The following MYO5B variants were observed in gnomAD, a reference collection of about 807,000 sequenced individuals.
MYO5B encodes unconventional myosin-Vb.
MYO5B carries 143 observed loss-of-function variants against 229.3 expected under a neutral mutation model. The observed-to-expected ratio is 0.62, with a 90% confidence interval of 0.54 to 0.72. The LOEUF is 0.72. Among genes scored for constraint, MYO5B ranks in the 30% least tolerant of loss-of-function variants. The probability of loss-of-function intolerance (pLI) is 0.00; values close to 1 mark genes in which losing one functional copy is unlikely to be tolerated. For missense variants in MYO5B, 2,321 were observed against 2,331.0 expected, an observed-to-expected ratio of 1.00 and a Z score of 0.09; for synonymous variants, 918 against 885.2, an observed-to-expected ratio of 1.04 and a Z score of -0.66.
chr18:49,842,101 A>G (rs1216270933), intron 34 of MYO5B, among the ~76,000 whole-genome samples: 1 of 152,158 alleles, frequency 6.6e-6, no homozygotes, highest in Non-Finnish European at 1.5e-5. Context: ...AAAAGAAAAA[A>G]AAAAAAAAAG....
chr18:50,016,677 C>T (rs2026218976), intron 4 of MYO5B, among the ~76,000 whole-genome samples: 1 of 152,112 alleles, frequency 6.6e-6, no homozygotes. Context: ...ATTCATATAT[C>T]ATACAATTCA....
chr18:50,112,200 A>G (rs1481850492), intron 1 of MYO5B, among the ~76,000 whole-genome samples: 2 of 152,214 alleles, frequency 1.3e-5, no homozygotes, highest in Admixed American at 1.3e-4. Context: ...AATATTGAGT[A>G]GGGAAAAAGT....
chr18:50,102,957 C>T (rs1380333024), intron 1 of MYO5B, among the ~76,000 whole-genome samples: 1 of 152,038 alleles, frequency 6.6e-6, no homozygotes, highest in East Asian at 1.9e-4. Flanking sequence ...GTCCTTCCCC[C>T]AAAGGAGAAG....
intron 1 of MYO5B, among the ~76,000 whole-genome samples, chr18:50,164,451 C>T (rs917605215): frequency 6.6e-6 from 1 of 152,192 alleles, no homozygotes; most frequent in Admixed American, 6.5e-5. Context: ...ACATCTGTGA[C>T]CATCCCCCCA....
intron 1 of MYO5B, among the ~76,000 whole-genome samples, chr18:50,183,448 TAAAC>T (rs1277315533): frequency 6.6e-6 from 1 of 150,938 alleles, no homozygotes; most frequent in Non-Finnish European, 1.5e-5. Context: ...GGCCTTTGAC[TAAAC>T]AAGAAGATGA....
At chr18:50,188,825 A>ACC (rs2033189633) in intron 1 of MYO5B, among the ~76,000 whole-genome samples, 3 of 83,620 alleles carry the variant, frequency 3.6e-5, no homozygotes, top group East Asian at 4.4e-4. Context: ...AAACACACAC[A>ACC]CCTATCAACA....
intron 2 of MYO5B, 43 bp downstream of exon 2, chr18:50,055,225 G>GCCCCCCCCCCCCCCCCCCCCCCCC: frequency 7.1e-6 from 5 of 700,366 alleles, no homozygotes; most frequent in Non-Finnish European, 1.1e-5. Flanking sequence ...TGAGCTCCCT[G>GCCCCCCCCCCCCCCCCCCCCCCCC]CCCCACCTCA....
intron 21 of MYO5B, among the ~76,000 whole-genome samples, chr18:49,897,863 T>C (rs2024797389): frequency 6.6e-6 from 1 of 152,196 alleles, no homozygotes; most frequent in Admixed American, 6.5e-5. Flanking sequence ...GAGTGGAAAG[T>C]AATGTCCTGG....
In MYO5B at chr18:49,856,524, G is replaced by A. The variant is rs548733758; in HGVS notation, c.4022+289C>T. On this transcript the variant is annotated intron_variant, in intron 30 of 39. Transcript: ENST00000285039. ...TGTTCTAAAGAGCTGTGTGCCTGCC[G>A]CTATGTGACCTCCTGCTCTTGTCTC... 9.2e-5 allele frequency among the ~76,000 whole-genome samples: 14 copies of A among 152,328 alleles called. No homozygotes were observed. In the East Asian group the frequency reaches 1.4e-3, roughly 15 times the overall value.
chr18:49,869,649 AGAG>A (rs1190597002), intron 27 of MYO5B, among the ~76,000 whole-genome samples: 2 of 152,160 alleles, frequency 1.3e-5, no homozygotes, highest in Non-Finnish European at 2.9e-5. Context: ...CAGCTAAATG[AGAG>A]GAGGAGTTTT....
At chr18:49,841,116 G>A (rs544960730) in intron 35 of MYO5B, among the ~76,000 whole-genome samples, 2 of 152,228 alleles carry the variant, frequency 1.3e-5, no homozygotes, top group Non-Finnish European at 2.9e-5. Flanking sequence ...GGGTTATGCA[G>A]ACTCTACTTA....
chr18:49,890,577 C>G (rs1255458465), intron 22 of MYO5B, among the ~76,000 whole-genome samples: 1 of 152,140 alleles, frequency 6.6e-6, no homozygotes, highest in Non-Finnish European at 1.5e-5. Context: ...TTTGGGGATA[C>G]AAATGTAGCT....
intron 1 of MYO5B, among the ~76,000 whole-genome samples, chr18:50,173,743 G>A (rs553667605): frequency 1.3e-5 from 2 of 152,108 alleles, no homozygotes; most frequent in Admixed American, 1.3e-4. Context: ...GGTGAGAGCT[G>A]GGGGGAGAAA....
At chr18:50,176,712 C>T (rs532591613) in intron 1 of MYO5B, among the ~76,000 whole-genome samples, 3 of 152,230 alleles carry the variant, frequency 2.0e-5, no homozygotes, top group East Asian at 3.9e-4. Context: ...AAATTGTTGT[C>T]GTGATAATTA....
intron 17 of MYO5B, among the ~76,000 whole-genome samples, chr18:49,917,375 G>C (rs1249071595): frequency 6.6e-6 from 1 of 151,962 alleles, no homozygotes; most frequent in South Asian, 2.1e-4. Flanking sequence ...CGTTGGGTGT[G>C]GGACAGTCCT....
intron 2 of MYO5B, among the ~76,000 whole-genome samples, chr18:50,049,517 T>C (rs1270772842): frequency 6.6e-6 from 1 of 152,240 alleles, no homozygotes; most frequent in Non-Finnish European, 1.5e-5. Flanking sequence ...CCTAACTTGG[T>C]GTACTCCAGC....
intron 1 of MYO5B, among the ~76,000 whole-genome samples, chr18:50,190,506 C>A (rs916665591): frequency 6.6e-6 from 1 of 152,210 alleles, no homozygotes; most frequent in Non-Finnish European, 1.5e-5. Context: ...GACTGGTGCT[C>A]TTTCTCCATC....
intron 4 of MYO5B, among the ~76,000 whole-genome samples, chr18:50,007,669 T>TG (rs2026117724): frequency 6.6e-6 from 1 of 152,228 alleles, no homozygotes; most frequent in African/African-American, 2.4e-5. Flanking sequence ...CACGTTGCAG[T>TG]GGCCTGAAGC....
chr18:49,848,094 C>T (rs1325700301), intron 32 of MYO5B, among the ~76,000 whole-genome samples: 3 of 152,222 alleles, frequency 2.0e-5, no homozygotes, highest in Non-Finnish European at 4.4e-5. Context: ...TGACTGCACA[C>T]GGGACGCTGT....
Sources: allele counts gnomAD v4.1 joint callset (sites outside exome capture counted in the v4.1 genomes callset), GRCh38; gene constraint gnomAD v4.1.1; transcripts MANE v1.5; gene names NCBI Gene and HGNC (gene_info 2026-07-23, HGNC 2026-07-21).